The following HERC1 variants were observed in gnomAD, a reference collection of about 807,000 sequenced individuals.
The protein encoded by HERC1 is probable E3 ubiquitin-protein ligase HERC1.
A neutral mutation model predicts 554.3 loss-of-function variants in HERC1; 160 were observed. The ratio of observed to expected loss-of-function variants is 0.29; its 90% CI spans 0.25 to 0.33. The LOEUF (loss-of-function observed/expected upper bound fraction) is 0.33, where lower values mean the gene tolerates loss of function less well. Among genes scored for constraint, HERC1 ranks in the 10% least tolerant of loss-of-function variants. The probability of loss-of-function intolerance (pLI) is 1.00; values close to 1 mark genes in which losing one functional copy is unlikely to be tolerated. For missense variants in HERC1, 4,919 were observed against 5,918.5 expected, an observed-to-expected ratio of 0.83 and a Z score of 5.54; for synonymous variants, 2,175 against 2,131.7, an observed-to-expected ratio of 1.02 and a Z score of -0.56.
rs1385912129 is a variant in HERC1 at position 63,727,565 on chromosome 15, C to T, written c.3346+82G>A. The T allele has an allele frequency of 1.1e-5, 11 of 981,414 alleles. No homozygotes were observed. Among genetic ancestry groups the T allele is most frequent in the Non-Finnish European group, 1.7e-5 (11 of 661,182 alleles). The allele number at this position is 981,414 out of a possible 1,614,324, so 60.8% of individuals were successfully genotyped here. A position where few individuals can be genotyped will look rare whatever the true frequency, so the allele number is the denominator to read the frequency against. On this transcript the variant is annotated intron_variant, in intron 17 of 77. Coordinates refer to ENST00000443617, the MANE Select transcript of HERC1 (RefSeq NM_003922.4). This position sits in a 1 kb window ranked among gnomAD's most constrained non-coding sequence, Gnocchi z 4.3. ...TTGATAGCCTTAGGATAGATAGACT[C>T]CAATGGAAAAACACAGTGATGTGTG...
At chr15:63,634,624 TGAG>T (rs1372639516) in intron 66 of HERC1, 106 bp downstream of exon 66, 1 of 748,738 alleles carries the variant, frequency 1.3e-6, no homozygotes, top group Non-Finnish European at 2.1e-6. Context: ...AAAATGTACA[TGAG>T]GTTAGGTACA....
At chr15:63,781,046 C>T (rs964340429) in intron 1 of HERC1, among the ~76,000 whole-genome samples, 1 of 151,860 alleles carries the variant, frequency 6.6e-6, no homozygotes, top group African/African-American at 2.4e-5. Flanking sequence ...CAAACAAATG[C>T]AAACAGAAAA....
intron 8 of HERC1, chr15:63,752,709 C>T (rs1227533352): frequency 6.0e-6 from 2 of 331,090 alleles, no homozygotes; most frequent in Non-Finnish European, 5.5e-6. Context: ...AATGCTAAAA[C>T]ATTTTAGAAA....
chr15:63,727,796 A>G lies in HERC1; in HGVS notation c.3197T>C (p.Ile1066Thr). 4 of 1,613,960 alleles carry G rather than the reference A, an allele frequency of 2.5e-6. No individual in the cohort carries two copies. Among genetic ancestry groups the G allele is most frequent in the Non-Finnish European group, 3.4e-6 (4 of 1,179,848 alleles). ...AGGGAGTAACAGCAGGGAGTTAACAATCTGGCAGAGCATACTGCCAGCAGC... is the reference window on the plus strand; with the variant it reads ...AGGGAGTAACAGCAGGGAGTTAACAGTCTGGCAGAGCATACTGCCAGCAGC... ...VSAAGSMLCQ[I>T]VNSLLLLPVS... Residue 1066 changes from isoleucine to threonine, a missense_variant, in exon 17 of 78, where the codon ATT (isoleucine) becomes ACT (threonine). Ile to Thr is a moderately conservative substitution (Grantham distance 89, BLOSUM62 -1). This residue lies in a region of HERC1 where 1,121 missense variants were observed against 1,244.0 expected (regional missense o/e 0.90). Coordinates refer to ENST00000443617, the MANE Select transcript of HERC1 (RefSeq NM_003922.4). This position sits in a 1 kb window ranked among gnomAD's most constrained non-coding sequence, Gnocchi z 4.3.
Position 63,692,754 on chromosome 15 carries a change from C to T in HERC1, c.5675-188G>A, listed in dbSNP as rs915738081. Among the ~76,000 whole-genome samples the T allele has an allele frequency of 6.6e-6, 1 of 152,148 alleles. No homozygotes were observed. Among genetic ancestry groups the T allele is most frequent in the Non-Finnish European group, 1.5e-5 (1 of 68,018 alleles). The stretch of plus-strand genomic sequence containing the variant: ...CAGAAAACAAAGCCTAAACTTGAAA[C>T]GCCTTTTACATCTCTGTACAATAAA... On this transcript the variant is annotated intron_variant, in intron 30 of 77. Transcript: ENST00000443617. The surrounding 1 kb of genome is among the most constrained non-coding windows in gnomAD (Gnocchi z 4.7).
chr15:63,650,761 C>A (rs1595893948), intron 53 of HERC1, among the ~76,000 whole-genome samples: 1 of 152,192 alleles, frequency 6.6e-6, no homozygotes, highest in Non-Finnish European at 1.5e-5. Flanking sequence ...AAATGTCACA[C>A]AGAAGTTATT....
Position 63,827,323 on chromosome 15 carries a change from G to A in HERC1, c.-27+6504C>T, listed in dbSNP as rs533650323. Among the ~76,000 whole-genome samples, 185 of 152,070 alleles carry A rather than the reference G, an allele frequency of 1.2e-3. 1 individual carries two copies. Among genetic ancestry groups the A allele is most frequent in the African/African-American group, 4.4e-3 (181 of 41,486 alleles). ...TGTAGTCCCAGCTACTTGGGTGGCT[G>A]ATGAAGGAGGATCGCTTAAGCCCAG... On this transcript the variant is annotated intron_variant, in intron 1 of 77. Transcript: ENST00000443617.
intron 25 of HERC1, among the ~76,000 whole-genome samples, chr15:63,706,353 G>A (rs1184631480): frequency 6.6e-6 from 1 of 151,894 alleles, no homozygotes; most frequent in Non-Finnish European, 1.5e-5. Context: ...TTATTTCAAC[G>A]TGTGTGTACA....
At chr15:63,799,036 C>T (rs374360804) in intron 1 of HERC1, among the ~76,000 whole-genome samples, 6 of 152,134 alleles carry the variant, frequency 3.9e-5, no homozygotes, top group Admixed American at 6.5e-5. Context: ...TTTTAAGATA[C>T]GTTTCAGAAC....
intron 24 of HERC1, 145 bp downstream of exon 24, chr15:63,712,630 T>C (rs1049037562): frequency 1.7e-6 from 1 of 600,872 alleles, no homozygotes; most frequent in Non-Finnish European, 2.8e-6. Flanking sequence ...TAAACATATA[T>C]GCAATATAGT....
intron 1 of HERC1, among the ~76,000 whole-genome samples, chr15:63,829,551 G>GTGTA (rs2078073935): frequency 1.6e-5 from 1 of 60,732 alleles, no homozygotes; most frequent in African/African-American, 6.8e-5. Context: ...GTATGTGTGT[G>GTGTA]TGTGTGTGTG....
chr15:63,795,904 G>A (rs2076798609), intron 1 of HERC1, among the ~76,000 whole-genome samples: 1 of 152,194 alleles, frequency 6.6e-6, no homozygotes, highest in Non-Finnish European at 1.5e-5. Flanking sequence ...GTTAACTTGT[G>A]GAATGCTGAG....
At chr15:63,695,262 C>G (rs1353296687) in intron 27 of HERC1, among the ~76,000 whole-genome samples, 1 of 152,120 alleles carries the variant, frequency 6.6e-6, no homozygotes, top group African/African-American at 2.4e-5. Context: ...GTTTTAAACT[C>G]CTGAGCTCAA....
At chr15:63,736,959 A>G (rs1300594465) in intron 12 of HERC1, among the ~76,000 whole-genome samples, 2 of 152,074 alleles carry the variant, frequency 1.3e-5, no homozygotes, top group Non-Finnish European at 2.9e-5. Context: ...GTTATTAGAA[A>G]TTTGAGGAAA....
intron 58 of HERC1, 46 bp from the exon 59 acceptor site, chr15:63,643,104 A>G: frequency 8.6e-7 from 1 of 1,169,038 alleles, no homozygotes; most frequent in South Asian, 1.3e-5. Context: ...AACTGTAGGT[A>G]TAATTTACAT....
chr15:63,628,542 A>G, intron 70 of HERC1, 135 bp downstream of exon 70: 1 of 927,160 alleles, frequency 1.1e-6, no homozygotes, highest in Non-Finnish European at 1.6e-6. Context: ...AGTAGCACAA[A>G]GAATGCTTTG....
At chr15:63,741,798 ATGAGTT>A (rs1480238366) in intron 12 of HERC1, among the ~76,000 whole-genome samples, 1 of 152,232 alleles carries the variant, frequency 6.6e-6, no homozygotes, top group Non-Finnish European at 1.5e-5. Context: ...CCACAGATGT[ATGAGTT>A]TATTTCTAGA....
Position 63,656,187 on chromosome 15 carries a change from G to A in HERC1, c.9771C>T (p.Asn3257=). ...AATAGGCCAGGCAAGAGATAGGCTTGTTAGCCTTGCTATGCCCACCTCGTG... is the reference window on the plus strand; with the variant it reads ...AATAGGCCAGGCAAGAGATAGGCTTATTAGCCTTGCTATGCCCACCTCGTG... ...ERSRGGHSKA[N]KPISCLAYLS... Residue 3257 remains asparagine, a synonymous_variant, in exon 49 of 78, where the codon AAC becomes AAT. Transcript: ENST00000443617. The A allele has an allele frequency of 6.2e-7, 1 of 1,612,242 alleles. No individual in the cohort carries two copies. Among genetic ancestry groups the A allele is most frequent in the African/African-American group, 1.3e-5 (1 of 75,018 alleles).
At chr15:63,646,385 TTATCCATGTA>T (rs1008677708) in intron 55 of HERC1, among the ~76,000 whole-genome samples, 7 of 152,240 alleles carry the variant, frequency 4.6e-5, no homozygotes, top group African/African-American at 1.7e-4. Context: ...TTACATAGAC[TTATCCATGTA>T]TATCCATGGT....
Sources: gnomAD v4.1 joint callset for allele counts (sites outside exome capture counted in the v4.1 genomes callset) on GRCh38, gnomAD v4.1.1 for gene constraint, gnomAD v4.1.1 regional missense constraint, Gnocchi (gnomAD v3.1) non-coding constraint, MANE v1.5 for transcripts, NCBI Gene and HGNC (gene_info 2026-07-23, HGNC 2026-07-21) for gene names.